Variants in TMEFF2 observed in about 807,000 individuals in gnomAD.
TMEFF2 encodes the protein tomoregulin-2.
Under a neutral mutation model 53.8 loss-of-function variants are expected in TMEFF2, and 28 were observed. The ratio of observed to expected loss-of-function variants is 0.52; its 90% CI spans 0.39 to 0.71. The LOEUF is 0.71. TMEFF2 is among the 30% of genes least tolerant of loss of function. TMEFF2 has a pLI of 0.00. For synonymous variants in TMEFF2, 162 were observed against 166.3 expected, an observed-to-expected ratio of 0.97 and a Z score of 0.20; for missense variants, 353 against 455.2, an observed-to-expected ratio of 0.78 and a Z score of 2.04.
At chr2:191,984,199 AT>A (rs780126539) in intron 7 of TMEFF2, among the ~76,000 whole-genome samples, 178 of 152,292 alleles carry the variant, frequency 1.2e-3, no homozygotes, top group Non-Finnish European at 2.3e-3. Flanking sequence ...AAAAAAATGA[AT>A]TTCCTTTTTA....
intron 4 of TMEFF2, among the ~76,000 whole-genome samples, chr2:192,134,553 T>C (rs558831125): frequency 6.6e-6 from 1 of 152,220 alleles, no homozygotes; most frequent in Non-Finnish European, 1.5e-5. Context: ...TCTGCTATTC[T>C]ATCTGCTATT....
chr2:192,163,270 A>G (rs1023207776), intron 4 of TMEFF2, among the ~76,000 whole-genome samples: 2 of 152,224 alleles, frequency 1.3e-5, no homozygotes, highest in Admixed American at 1.3e-4. Context: ...TTGACAAAGA[A>G]GGAGAAATGC....
At chr2:191,993,133 G>T (rs1320392332) in intron 7 of TMEFF2, among the ~76,000 whole-genome samples, 1 of 152,008 alleles carries the variant, frequency 6.6e-6, no homozygotes, top group African/African-American at 2.4e-5. Flanking sequence ...ATATGAAAAG[G>T]CTTTGTAAAT....
intron 4 of TMEFF2, among the ~76,000 whole-genome samples, chr2:192,075,672 A>G (rs1417605863): frequency 6.6e-6 from 1 of 151,974 alleles, no homozygotes; most frequent in African/African-American, 2.4e-5. Context: ...ATAAATGGGT[A>G]TCTGAATAAA....
intron 4 of TMEFF2, among the ~76,000 whole-genome samples, chr2:192,076,225 AATATC>A (rs1382137532): frequency 2.6e-5 from 4 of 152,104 alleles, no homozygotes; most frequent in African/African-American, 9.7e-5. Flanking sequence ...TCTTTACTCA[AATATC>A]TATTGCTCTG....
intron 7 of TMEFF2, among the ~76,000 whole-genome samples, chr2:191,991,195 A>T (rs1350463713): frequency 1.3e-5 from 2 of 152,146 alleles, no homozygotes; most frequent in Non-Finnish European, 2.9e-5. Context: ...TTCTTTATAG[A>T]TGAATTAAAA....
intron 9 of TMEFF2, among the ~76,000 whole-genome samples, chr2:191,951,004 T>C (rs1358792332): frequency 6.6e-6 from 1 of 152,200 alleles, no homozygotes; most frequent in Non-Finnish European, 1.5e-5. Flanking sequence ...TCTGACTTTT[T>C]TCTCTTGTAA....
At chr2:192,112,048 T>C (rs1574382905) in intron 4 of TMEFF2, among the ~76,000 whole-genome samples, 1 of 152,308 alleles carries the variant, frequency 6.6e-6, no homozygotes, top group South Asian at 2.1e-4. Flanking sequence ...CATGAGAACC[T>C]CTGCTAGAGC....
At chr2:191,953,564 T>A in intron 9 of TMEFF2, 115 bp downstream of exon 9, 1 of 1,159,542 alleles carries the variant, frequency 8.6e-7, no homozygotes, top group Non-Finnish European at 1.2e-6. Flanking sequence ...ATAGGACTCA[T>A]AGAGAATGGA....
chr2:192,150,533 C>T (rs1690359387), intron 4 of TMEFF2, among the ~76,000 whole-genome samples: 1 of 151,826 alleles, frequency 6.6e-6, no homozygotes, highest in South Asian at 2.1e-4. Context: ...TGCAGTAATG[C>T]ATAGAACAGG....
At chr2:192,068,139 C>T (rs1021715676) in intron 4 of TMEFF2, among the ~76,000 whole-genome samples, 4 of 152,020 alleles carry the variant, frequency 2.6e-5, no homozygotes, top group East Asian at 1.9e-4. Flanking sequence ...GCCTGCCCTG[C>T]TCAGCTCACA....
intron 7 of TMEFF2, among the ~76,000 whole-genome samples, chr2:191,977,452 A>AT (rs578202282): frequency 2.0e-5 from 3 of 152,098 alleles, no homozygotes; most frequent in South Asian, 2.1e-4. Context: ...TCAGTAATGA[A>AT]TTTTTTTTAA....
At chr2:192,112,299 C>A (rs1046163815) in intron 4 of TMEFF2, among the ~76,000 whole-genome samples, 1 of 152,208 alleles carries the variant, frequency 6.6e-6, no homozygotes, top group African/African-American at 2.4e-5. Context: ...CATGGGAACC[C>A]ACCTCTTGTG....
chr2:192,134,750 G>A (rs1689955950), intron 4 of TMEFF2, among the ~76,000 whole-genome samples: 1 of 152,094 alleles, frequency 6.6e-6, no homozygotes, highest in African/African-American at 2.4e-5. Context: ...CAGGGTCTGA[G>A]AAGGCCACCG....
At chr2:192,107,472 C>T (rs535898225) in intron 4 of TMEFF2, among the ~76,000 whole-genome samples, 1 of 151,744 alleles carries the variant, frequency 6.6e-6, no homozygotes, top group South Asian at 2.1e-4. Flanking sequence ...TTATATCTTA[C>T]CATGAACGTC....
chr2:192,031,523 T>A (rs1349736072), intron 5 of TMEFF2: 2 of 152,188 alleles, frequency 1.3e-5, no homozygotes, highest in Non-Finnish European at 2.9e-5. Context: ...AGAGATAACA[T>A]CTGAGATTTA....
chr2:191,979,915 G>C (rs1017967790), intron 7 of TMEFF2, among the ~76,000 whole-genome samples: 36 of 150,898 alleles, frequency 2.4e-4, no homozygotes, highest in Non-Finnish European at 4.7e-4. Context: ...TTATAAGTTG[G>C]TTAAATAATA....
chr2:191,978,712 A>C (rs1403988016), intron 7 of TMEFF2, among the ~76,000 whole-genome samples: 1 of 152,200 alleles, frequency 6.6e-6, no homozygotes, highest in African/African-American at 2.4e-5. Context: ...CTAAAATGAA[A>C]TTGTGGTGCA....
At chr2:192,053,205 T>C (rs1687815954) in intron 5 of TMEFF2, among the ~76,000 whole-genome samples, 1 of 152,176 alleles carries the variant, frequency 6.6e-6, no homozygotes, top group South Asian at 2.1e-4. Context: ...AATTATTATT[T>C]TTTCTCTTCT....
Sources: allele counts gnomAD v4.1 joint callset (sites outside exome capture counted in the v4.1 genomes callset), GRCh38; gene constraint gnomAD v4.1.1; transcripts MANE v1.5; gene names NCBI Gene and HGNC (gene_info 2026-07-23, HGNC 2026-07-21).